CADM2: variants seen among roughly 807,000 people sequenced by gnomAD.
The protein encoded by CADM2 is cell adhesion molecule 2.
Under a neutral mutation model 49.8 loss-of-function variants are expected in CADM2, and 12 were observed. The ratio of observed to expected loss-of-function variants is 0.24; its 90% CI spans 0.15 to 0.39. CADM2 has a LOEUF of 0.39. Ranked by LOEUF, CADM2 falls within the 10% of genes least tolerant of loss-of-function variation. The probability of loss-of-function intolerance (pLI) is 1.00; values close to 1 mark genes in which losing one functional copy is unlikely to be tolerated. For missense variants in CADM2, 378 were observed against 492.3 expected (o/e 0.77, Z 2.20); for synonymous variants, 214 against 175.4 (o/e 1.22, Z -1.74).
At chr3:85,265,637 C>T (rs1336729088) in intron 1 of CADM2, among the ~76,000 whole-genome samples, 2 of 152,112 alleles carry the variant, frequency 1.3e-5, no homozygotes, top group East Asian at 3.9e-4. Context: ...CCTCTCAATA[C>T]TTTTGCTTTG....
chr3:85,668,296 A>C lies in CADM2; in HGVS notation c.62-58226A>C, dbSNP rs1459246508. Among the ~76,000 whole-genome samples the C allele has an allele frequency of 1.4e-3, 61 of 42,586 alleles. No homozygotes were observed. In the African/African-American group the frequency reaches 0.017, roughly 12 times the overall value. 27.9% of individuals were successfully genotyped at this position (42,586 alleles called of 152,430 possible). A position where few individuals can be genotyped will look rare whatever the true frequency, so the allele number is the denominator to read the frequency against. ...AATCATGTTTTCCTAGTACCAAAGC[A>C]AAAAAAAAAAAAAAAAAGCAAACAA... On this transcript the variant is annotated intron_variant, in intron 1 of 9. Transcript: ENST00000383699.
intron 2 of CADM2, 152 bp downstream of exon 2, chr3:85,726,700 A>G (rs1368154526): frequency 7.5e-6 from 4 of 531,164 alleles, no homozygotes; most frequent in Non-Finnish European, 1.3e-5. Flanking sequence ...ACAAATATCA[A>G]TTATTTCAGT....
In CADM2 at chr3:85,653,253, G is replaced by T. The variant is rs73143342; in HGVS notation, c.62-73269G>T. Among the ~76,000 whole-genome samples, 1,168 of 149,784 alleles carry T rather than the reference G, an allele frequency of 7.8e-3. 6 individuals carry two copies. Among genetic ancestry groups the T allele is most frequent in the Non-Finnish European group, 0.011 (761 of 67,640 alleles). ...GCTGGCTTTTACTGTGAGCAAGGAG[G>T]GGAGCCATAGGAGGGATTTAAACAG... is the stretch of plus-strand genomic sequence containing the variant. On this transcript the variant is annotated intron_variant, in intron 1 of 9. Transcript: ENST00000383699.
At chr3:85,788,167 G>A (rs1005491853) in intron 2 of CADM2, among the ~76,000 whole-genome samples, 6 of 151,868 alleles carry the variant, frequency 4.0e-5, no homozygotes, top group Admixed American at 2.6e-4. Context: ...ATCCTGTTCT[G>A]GTATAAAACA....
chr3:85,947,746 A>G (rs1045396526), intron 7 of CADM2, among the ~76,000 whole-genome samples: 1 of 151,504 alleles, frequency 6.6e-6, no homozygotes, highest in East Asian at 1.9e-4. Flanking sequence ...ACTCTCGGTA[A>G]TCTCCACTGC....
chr3:85,020,989 C>A (rs535258309), intron 1 of CADM2, among the ~76,000 whole-genome samples: 1 of 151,636 alleles, frequency 6.6e-6, no homozygotes, highest in East Asian at 1.9e-4. Context: ...CCAGGGCTCA[C>A]GACTGTAATT....
intron 1 of CADM2, among the ~76,000 whole-genome samples, chr3:84,977,715 C>G (rs974206956): frequency 6.6e-6 from 1 of 151,982 alleles, no homozygotes; most frequent in African/African-American, 2.4e-5. Context: ...AGATATAAAA[C>G]TGGAAGAATA....
At chr3:85,059,966 G>C (rs527910074) in intron 1 of CADM2, among the ~76,000 whole-genome samples, 1 of 150,628 alleles carries the variant, frequency 6.6e-6, no homozygotes, top group East Asian at 1.9e-4. Flanking sequence ...GTTAAAAGGA[G>C]AGCCAAGGAT....
chr3:85,077,063 T>C (rs571667475), intron 1 of CADM2, among the ~76,000 whole-genome samples: 27 of 152,264 alleles, frequency 1.8e-4, no homozygotes, highest in African/African-American at 6.5e-4. Flanking sequence ...TCAAAACAAC[T>C]TGGGAAAGCA....
intron 1 of CADM2, among the ~76,000 whole-genome samples, chr3:84,964,665 G>A (rs1296189397): frequency 6.6e-6 from 1 of 152,108 alleles, no homozygotes; most frequent in Non-Finnish European, 1.5e-5. Flanking sequence ...ATATTGGTCT[G>A]ATTTACTCTC....
intron 1 of CADM2, among the ~76,000 whole-genome samples, chr3:85,157,056 G>A (rs554445178): frequency 1.3e-4 from 20 of 152,136 alleles, no homozygotes; most frequent in African/African-American, 4.1e-4. Context: ...CAGACAAACA[G>A]AGAGCCAAAT....
At chr3:85,307,688 T>C (rs1414161475) in intron 1 of CADM2, among the ~76,000 whole-genome samples, 1 of 151,818 alleles carries the variant, frequency 6.6e-6, no homozygotes, top group Non-Finnish European at 1.5e-5. Context: ...CCCTCACTGT[T>C]CTGTCATCTC....
At chr3:85,515,576 C>T (rs1452250660) in intron 1 of CADM2, among the ~76,000 whole-genome samples, 1 of 143,304 alleles carries the variant, frequency 7.0e-6, no homozygotes, top group Non-Finnish European at 1.5e-5. Flanking sequence ...GAGAGTGCCA[C>T]CACGCCCTAC....
At chr3:85,554,323 C>T (rs1200275415) in intron 1 of CADM2, among the ~76,000 whole-genome samples, 1 of 152,242 alleles carries the variant, frequency 6.6e-6, no homozygotes, top group East Asian at 1.9e-4. Context: ...GGAGTTCAGG[C>T]GGTAATGCTG....
Position 85,886,171 on chromosome 3 carries a change from T to C in CADM2, c.392-19T>C, listed in dbSNP as rs1369172575. On this transcript the variant is annotated intron_variant, in intron 4 of 9. Coordinates refer to ENST00000383699, the MANE Select transcript of CADM2 (RefSeq NM_001167675.2). The stretch of plus-strand genomic sequence containing the variant: ...ACCCTGAAGATTGATGCTCACTTCA[T>C]CATTCGCTTAAATTTCAGGTGTTCC... 6.2e-7 allele frequency: 1 copy of C among 1,611,746 alleles called. No homozygotes were observed. The highest frequency in any genetic ancestry group is 1.3e-5 in the African/African-American group (1 of 74,886).
chr3:85,589,761 G>C (rs964099818), intron 1 of CADM2, among the ~76,000 whole-genome samples: 29 of 152,030 alleles, frequency 1.9e-4, no homozygotes, highest in African/African-American at 5.5e-4. Flanking sequence ...GCAATTTCCT[G>C]ATCAAATTAC....
chr3:85,515,631 A>ATATTTT (rs1159969286), intron 1 of CADM2, among the ~76,000 whole-genome samples: 3 of 118,426 alleles, frequency 2.5e-5, no homozygotes, highest in African/African-American at 6.7e-5. Flanking sequence ...ATATATATAT[A>ATATTTT]TTTTTTTTTT....
intron 1 of CADM2, among the ~76,000 whole-genome samples, chr3:85,467,903 CCAGCACTTTGGGAGG>C (rs1445760562): frequency 6.6e-6 from 1 of 151,914 alleles, no homozygotes; most frequent in Non-Finnish European, 1.5e-5. Context: ...GCCTGTAATC[CCAGCACTTTGGGAGG>C]CCGAGGCGGG....
intron 1 of CADM2, among the ~76,000 whole-genome samples, chr3:85,504,674 C>G (rs1301802303): frequency 6.6e-6 from 1 of 152,162 alleles, no homozygotes. Flanking sequence ...GCCGTGCGCC[C>G]GCACTCCGCA....
Sources: gnomAD v4.1 joint callset for allele counts (sites outside exome capture counted in the v4.1 genomes callset) on GRCh38, gnomAD v4.1.1 for gene constraint, MANE v1.5 for transcripts, NCBI Gene and HGNC (gene_info 2026-07-23, HGNC 2026-07-21) for gene names.